The following KYNU variants were observed in gnomAD, a reference collection of about 807,000 sequenced individuals.
KYNU encodes the protein kynureninase, also known as L-kynurenine hydrolase.
KYNU carries 54 observed loss-of-function variants against 59.2 expected under a neutral mutation model. The observed-to-expected ratio is 0.91, with a 90% CI of 0.73 to 1.14. KYNU has a LOEUF of 1.14. Among genes scored for constraint, KYNU ranks in the 50% most tolerant of loss-of-function variants. The pLI, the probability that KYNU is intolerant of heterozygous loss-of-function variation, is 0.00. For synonymous variants in KYNU, 177 were observed against 192.0 expected, an observed-to-expected ratio of 0.92 and a Z score of 0.65; for missense variants, 567 against 554.4, an observed-to-expected ratio of 1.02 and a Z score of -0.23.
chr2:142,984,702 A>C (rs562668291), intron 8 of KYNU, among the ~76,000 whole-genome samples: 15 of 152,154 alleles, frequency 9.9e-5, no homozygotes, highest in East Asian at 5.8e-4. Context: ...TTTCACAAGG[A>C]TATTTTCACA....
intron 2 of KYNU, among the ~76,000 whole-genome samples, chr2:142,902,069 G>A (rs1398645882): frequency 1.3e-5 from 2 of 152,192 alleles, no homozygotes; most frequent in African/African-American, 4.8e-5. Context: ...ACAGCCACAA[G>A]TCTCCTTTAG....
chr2:142,883,305 C>T (rs907948728), intron 1 of KYNU, among the ~76,000 whole-genome samples: 1 of 149,606 alleles, frequency 6.7e-6, no homozygotes, highest in African/African-American at 2.5e-5. Flanking sequence ...CGCCATTCTC[C>T]TGCCTCAGCT....
At chr2:142,993,239 G>C (rs1485942250) in intron 10 of KYNU, among the ~76,000 whole-genome samples, 2 of 151,974 alleles carry the variant, frequency 1.3e-5, no homozygotes, top group African/African-American at 4.8e-5. Flanking sequence ...TTTCTTAAAG[G>C]AATATGCCAA....
chr2:143,007,275 A>G (rs201247473), intron 10 of KYNU, among the ~76,000 whole-genome samples: 18,796 of 144,168 alleles, frequency 0.13, 1,968 homozygotes, highest in East Asian at 0.24. Context: ...AGCCTCAGGA[A>G]CCGGTGCGAT....
chr2:142,975,191 A>C (rs1684848183), intron 8 of KYNU, among the ~76,000 whole-genome samples: 1 of 151,900 alleles, frequency 6.6e-6, no homozygotes, highest in Non-Finnish European at 1.5e-5. Context: ...ACCCATAAAA[A>C]CCCCAAACTC....
Position 142,960,682 on chromosome 2 carries a change from C to G in KYNU, c.641C>G (p.Ser214Ter). The change falls in exon 8 of 14, where the codon TCA becomes TGA. Residue 214 changes from serine (S) to a stop codon, truncating the protein, a stop_gained. Transcript: ENST00000264170. LOFTEE classifies it high-confidence loss of function. Reference protein sequence around the residue: ...ILEVIEKEGDSIAVILFSGVH... With the variant: ...ILEVIEKEGD ...GAAGTAATTGAGAAGGAAGGAGACTCAATTGCAGTGATCCTGTTCAGTGGG... is the reference window on the plus strand; with the variant it reads ...GAAGTAATTGAGAAGGAAGGAGACTGAATTGCAGTGATCCTGTTCAGTGGG... The G allele has an allele frequency of 6.2e-7, 1 of 1,613,628 alleles. No homozygotes were observed. Among genetic ancestry groups the G allele is most frequent in the Non-Finnish European group, 8.5e-7 (1 of 1,179,636 alleles).
intron 4 of KYNU, among the ~76,000 whole-genome samples, chr2:142,942,724 C>G (rs1245623986): frequency 6.6e-6 from 1 of 152,122 alleles, no homozygotes; most frequent in African/African-American, 2.4e-5. Flanking sequence ...CTTGAAAGGG[C>G]CAAGTGGGCA....
chr2:143,025,563 C>A (rs1686527982), intron 10 of KYNU, among the ~76,000 whole-genome samples: 1 of 152,042 alleles, frequency 6.6e-6, no homozygotes, highest in Non-Finnish European at 1.5e-5. Context: ...GTATTCTATA[C>A]CCTTAATTGT....
At chr2:142,947,884 G>A (rs971485822) in intron 4 of KYNU, 2 of 152,198 alleles carry the variant, frequency 1.3e-5, no homozygotes, top group East Asian at 3.8e-4. Context: ...GCAGGGTTCA[G>A]TTTGCTGCTG....
chr2:142,918,709 AC>A lies in KYNU; in HGVS notation c.271del (p.Leu91Ter). The A allele has an allele frequency of 6.2e-7, 1 of 1,612,310 alleles. No homozygotes were observed. Among genetic ancestry groups the A allele is most frequent in the South Asian group, 1.1e-5 (1 of 90,744 alleles). On this transcript the variant is annotated frameshift_variant, in exon 3 of 14. Coordinates refer to ENST00000264170, the MANE Select transcript of KYNU (RefSeq NM_003937.3). LOFTEE classifies it high-confidence loss of function. ...TGGTTAAAACATATCTTGAAGAAGAACTAGATAAGTGGGCCAAAATGTAAGT... is the reference window on the plus strand; with the variant it reads ...TGGTTAAAACATATCTTGAAGAAGAATAGATAAGTGGGCCAAAATGTAAGT... ...KMVKTYLEEE[L>X]DKWAKIAAYG...
intron 12 of KYNU, among the ~76,000 whole-genome samples, chr2:143,036,503 A>G (rs1686898805): frequency 6.6e-6 from 1 of 152,206 alleles, no homozygotes; most frequent in African/African-American, 2.4e-5. Context: ...AGGAAGAGGA[A>G]CAGGCTGTGA....
At chr2:142,905,300 G>C (rs769922592) in intron 2 of KYNU, among the ~76,000 whole-genome samples, 2 of 152,160 alleles carry the variant, frequency 1.3e-5, no homozygotes, top group African/African-American at 4.8e-5. Flanking sequence ...GTACTTTAAG[G>C]CTTGGCTGAG....
intron 3 of KYNU, among the ~76,000 whole-genome samples, chr2:142,919,368 A>G (rs1158272834): frequency 6.6e-6 from 1 of 152,260 alleles, no homozygotes; most frequent in East Asian, 1.9e-4. Flanking sequence ...AGGAGTTAAT[A>G]TTCTGAAGCT....
At chr2:142,898,315 C>T (rs751648690) in intron 2 of KYNU, among the ~76,000 whole-genome samples, 5 of 151,576 alleles carry the variant, frequency 3.3e-5, no homozygotes, top group South Asian at 2.1e-4. Flanking sequence ...GCAATTGCTG[C>T]AGCCAATCCC....
At chr2:142,963,578 A>T (rs567333747) in intron 8 of KYNU, among the ~76,000 whole-genome samples, 102 of 152,292 alleles carry the variant, frequency 6.7e-4, no homozygotes, top group South Asian at 3.9e-3. Flanking sequence ...GGAATCACTT[A>T]ATCATGACTT....
chr2:142,974,604 C>T (rs1055732529), intron 8 of KYNU, among the ~76,000 whole-genome samples: 2 of 152,168 alleles, frequency 1.3e-5, no homozygotes, highest in African/African-American at 4.8e-5. Context: ...TTGCCAGTTT[C>T]CCCCAAGGAG....
chr2:142,944,827 C>G (rs1431147423), intron 4 of KYNU, among the ~76,000 whole-genome samples: 1 of 152,112 alleles, frequency 6.6e-6, no homozygotes, highest in East Asian at 1.9e-4. Flanking sequence ...GGCTTGGTTC[C>G]AGGTTGCTGC....
intron 2 of KYNU, among the ~76,000 whole-genome samples, chr2:142,890,110 A>G (rs1400782338): frequency 2.0e-5 from 3 of 152,048 alleles, no homozygotes; most frequent in Admixed American, 6.5e-5. Flanking sequence ...CACAGCTGAA[A>G]AATAAACAAG....
intron 10 of KYNU, among the ~76,000 whole-genome samples, chr2:143,018,407 C>T (rs995224000): frequency 2.6e-5 from 4 of 152,112 alleles, no homozygotes; most frequent in Non-Finnish European, 4.4e-5. Flanking sequence ...AGTCCTTTTC[C>T]GATTGCTTGT....
Sources: allele counts gnomAD v4.1 joint callset (sites outside exome capture counted in the v4.1 genomes callset), GRCh38; gene constraint gnomAD v4.1.1; transcripts MANE v1.5; gene names NCBI Gene and HGNC (gene_info 2026-07-23, HGNC 2026-07-21).